The following RALGAPA2 variants were observed in gnomAD, a reference collection of about 807,000 sequenced individuals.
The protein encoded by RALGAPA2 is ral GTPase-activating protein subunit alpha-2.
RALGAPA2 carries 139 observed loss-of-function variants against 230.4 expected under a neutral mutation model. The ratio of observed to expected loss-of-function variants is 0.60; its 90% CI spans 0.53 to 0.69. The LOEUF is 0.69. RALGAPA2 is among the 30% of genes least tolerant of loss of function. RALGAPA2 has a pLI of 0.00. For synonymous variants in RALGAPA2, 847 were observed against 837.8 expected (o/e 1.01, Z -0.19); for missense variants, 2,163 against 2,276.0 (o/e 0.95, Z 1.01).
At chr20:20,634,807 G>A (rs2066802226) in intron 9 of RALGAPA2, among the ~76,000 whole-genome samples, 1 of 152,192 alleles carries the variant, frequency 6.6e-6, no homozygotes, top group South Asian at 2.1e-4. Context: ...AACTCAGCCT[G>A]TTGGGAAAGA....
chr20:20,461,393 AT>A (rs1179221240), intron 37 of RALGAPA2, among the ~76,000 whole-genome samples: 3 of 152,180 alleles, frequency 2.0e-5, no homozygotes, highest in African/African-American at 7.2e-5. Context: ...ACTGAGTTCA[AT>A]TTTTTTAATT....
At chr20:20,531,817 G>C in intron 26 of RALGAPA2, 22 bp from the exon 27 acceptor site, 1 of 1,522,354 alleles carries the variant, frequency 6.6e-7, no homozygotes, top group East Asian at 2.3e-5. Flanking sequence ...GAAGAAAACA[G>C]AGGAAAACTC....
chr20:20,671,169 T>C (rs1300645068), intron 3 of RALGAPA2, among the ~76,000 whole-genome samples: 1 of 152,192 alleles, frequency 6.6e-6, no homozygotes, highest in Non-Finnish European at 1.5e-5. Flanking sequence ...ACTTACTTTA[T>C]CAGAATACTG....
At chr20:20,536,408 G>T (rs2063499124) in intron 25 of RALGAPA2, among the ~76,000 whole-genome samples, 2 of 152,094 alleles carry the variant, frequency 1.3e-5, no homozygotes, top group South Asian at 4.1e-4. Context: ...TGATCCTTAG[G>T]TCCAATAAAC....
At position 20,712,590 on chromosome 20, in the gene RALGAPA2, C is replaced by G. The variant is rs2069934654; in HGVS notation, c.-110G>C. On this transcript the variant is annotated 5_prime_UTR_variant, in exon 1 of 40. Transcript: ENST00000202677. This position sits in a 1 kb window ranked among gnomAD's most constrained non-coding sequence, Gnocchi z 5.5. ...GTGTCGCGCGGGCCACTCGCCGCCCCCAGCCCCGCTGCTGCCGCCGCCGCC... is the reference window on the plus strand; with the variant it reads ...GTGTCGCGCGGGCCACTCGCCGCCCGCAGCCCCGCTGCTGCCGCCGCCGCC... The G allele has an allele frequency of 8.0e-7, 1 of 1,246,310 alleles. No homozygotes were observed. The allele number at this position is 1,246,310 out of a possible 1,614,324, so 77.2% of individuals were successfully genotyped here. A position where few individuals can be genotyped will look rare whatever the true frequency, so the allele number is the denominator to read the frequency against.
chr20:20,636,011 T>C (rs2066846543), intron 8 of RALGAPA2, among the ~76,000 whole-genome samples: 1 of 152,210 alleles, frequency 6.6e-6, no homozygotes, highest in African/African-American at 2.4e-5. Context: ...TAAAACATCA[T>C]TTTAGGTATT....
At chr20:20,394,417 C>A (rs980495256) in intron 39 of RALGAPA2, among the ~76,000 whole-genome samples, 1 of 152,082 alleles carries the variant, frequency 6.6e-6, no homozygotes, top group Non-Finnish European at 1.5e-5. Flanking sequence ...GTGGGCGGAT[C>A]GCTTCAGCCC....
chr20:20,571,207 T>C (rs961213098), intron 23 of RALGAPA2, among the ~76,000 whole-genome samples: 6 of 152,284 alleles, frequency 3.9e-5, no homozygotes, highest in African/African-American at 1.2e-4. Flanking sequence ...GGTTAGATCA[T>C]AGAGGCCATA....
chr20:20,605,623 G>A (rs186854867), intron 14 of RALGAPA2, among the ~76,000 whole-genome samples: 70 of 152,222 alleles, frequency 4.6e-4, no homozygotes, highest in African/African-American at 1.6e-3. Flanking sequence ...TATGAACAAA[G>A]TTACTGATTC....
At position 20,392,978 on chromosome 20, in the gene RALGAPA2, A is replaced by C; in HGVS notation, c.*311T>G. ...GTGGGTTCATCTCTGGTTTTTGGTG[A>C]CTTTTTCTTTTCTTCTTTGGAAGTC... On this transcript the variant is annotated 3_prime_UTR_variant, in exon 40 of 40. Coordinates refer to ENST00000202677, the MANE Select transcript of RALGAPA2 (RefSeq NM_020343.4). The C allele has an allele frequency of 9.8e-7, 1 of 1,023,084 alleles. No individual in the cohort carries two copies. The highest frequency in any genetic ancestry group is 1.5e-5 in the South Asian group (1 of 64,618). 63.4% of individuals were successfully genotyped at this position (1,023,084 alleles called of 1,614,324 possible).
chr20:20,402,789 G>A lies in RALGAPA2; in HGVS notation c.5618-6055C>T, dbSNP rs533775710. On this transcript the variant is annotated intron_variant, in intron 38 of 39. Transcript: ENST00000202677. ...CCCCACTGAAGCCTGACTGACCTTC[G>A]TGGAAGAGTCATATCACAGCACTCT... Among the ~76,000 whole-genome samples, 8 of 152,214 alleles carry A rather than the reference G, an allele frequency of 5.3e-5. No individual in the cohort carries two copies. The East Asian group carries it at 1.5e-3, about 29-fold the overall frequency.
intron 37 of RALGAPA2, among the ~76,000 whole-genome samples, chr20:20,456,201 C>A (rs2061115009): frequency 6.6e-6 from 1 of 152,242 alleles, no homozygotes; most frequent in African/African-American, 2.4e-5. Flanking sequence ...AGTCTACTTT[C>A]CCCTAATTAG....
At chr20:20,411,600 A>G (rs1164305510) in intron 38 of RALGAPA2, among the ~76,000 whole-genome samples, 1 of 152,240 alleles carries the variant, frequency 6.6e-6, no homozygotes, top group Admixed American at 6.5e-5. Context: ...TGTCTCCTGC[A>G]TTAATCCCTG....
At chr20:20,464,643 C>A (rs918182561) in intron 37 of RALGAPA2, among the ~76,000 whole-genome samples, 1 of 152,144 alleles carries the variant, frequency 6.6e-6, no homozygotes, top group Non-Finnish European at 1.5e-5. Context: ...GGATCACTTC[C>A]TTTATAGTGA....
At chr20:20,525,915 G>A (rs561963423) in intron 28 of RALGAPA2, among the ~76,000 whole-genome samples, 86 of 152,244 alleles carry the variant, frequency 5.6e-4, no homozygotes, top group African/African-American at 2.0e-3. Flanking sequence ...CACCCCTCAC[G>A]GAGGGCATCA....
At chr20:20,673,302 G>C (rs1221724263) in intron 3 of RALGAPA2, among the ~76,000 whole-genome samples, 2 of 151,672 alleles carry the variant, frequency 1.3e-5, no homozygotes, top group Admixed American at 6.6e-5. Context: ...AGAGTTTAAA[G>C]CTGCTACAAT....
rs1429259061 is a variant in RALGAPA2, at chr20:20,505,510, C to A, written c.4953G>T (p.Val1651=). The stretch of plus-strand genomic sequence containing the variant: ...CTTCTTGACCTTCAGCAATGTAAAA[C>A]ACTGCGATTTTGTGTGTCTCACGGC... ...RQCRETHKIA[V]FYIAEGQEDK... Residue 1651 remains valine (V), a synonymous_variant, in exon 34 of 40, where the codon GTG becomes GTT. Transcript: ENST00000202677. 1.9e-6 allele frequency: 3 copies of A among 1,600,136 alleles called. No homozygotes were observed. The highest frequency in any genetic ancestry group is 2.6e-6 in the Non-Finnish European group (3 of 1,173,382).
intron 37 of RALGAPA2, among the ~76,000 whole-genome samples, chr20:20,450,604 G>A (rs985563751): frequency 6.6e-6 from 1 of 152,244 alleles, no homozygotes. Context: ...TCCCAGCCCT[G>A]CCCTGGCTGT....
Position 20,620,518 on chromosome 20 carries a change from T to C in RALGAPA2, c.1346A>G (p.Asp449Gly). 6.2e-7 allele frequency: 1 copy of C among 1,614,008 alleles called. No individual in the cohort carries two copies. Among genetic ancestry groups the C allele is most frequent in the Non-Finnish European group, 8.5e-7 (1 of 1,179,852 alleles). Residue 449 changes from aspartate to glycine, a missense_variant, in exon 11 of 40, where the codon GAT becomes GGT. Asp to Gly is a moderately conservative substitution (Grantham distance 94). Transcript: ENST00000202677. Reference sequence around the variant, plus strand: ...TTTTTCAGCATCTTCTTGGGCAACATCTTTTCTATCTGGCTCCTCCATGAA... The same window carrying C: ...TTTTTCAGCATCTTCTTGGGCAACACCTTTTCTATCTGGCTCCTCCATGAA... Reference protein sequence around the residue: ...PVFMEEPDRKDVAQEDAEKLG... With the variant: ...PVFMEEPDRKGVAQEDAEKLG...
Sources: allele counts gnomAD v4.1 joint callset (sites outside exome capture counted in the v4.1 genomes callset), GRCh38; gene constraint gnomAD v4.1.1; non-coding constraint Gnocchi (gnomAD v3.1); transcripts MANE v1.5; gene names NCBI Gene and HGNC (gene_info 2026-07-23, HGNC 2026-07-21).